The following LY96 variants were observed in gnomAD, a reference collection of about 807,000 sequenced individuals.
LY96 encodes the protein lymphocyte antigen 96.
LY96 carries 18 observed loss-of-function variants against 18.9 expected under a neutral mutation model. That is an observed-to-expected ratio of 0.95 (90% CI 0.66 to 1.41). The LOEUF (loss-of-function observed/expected upper bound fraction) is 1.41, where lower values mean the gene tolerates loss of function less well. Among genes scored for constraint, LY96 ranks in the 40% most tolerant of loss-of-function variants. LY96 has a pLI of 0.00. For synonymous variants in LY96, 66 were observed against 62.6 expected (o/e 1.06, Z -0.26); for missense variants, 175 against 182.4 (o/e 0.96, Z 0.23).
the LY96 span, among the ~76,000 whole-genome samples, chr8:74,062,616 G>A: frequency 1.3e-5 from 2 of 152,140 alleles, no homozygotes; most frequent in Non-Finnish European, 2.9e-5. Context: ...TGGTGTATAT[G>A]TACCACATTT....
chr8:74,034,323 G>T, the LY96 span, among the ~76,000 whole-genome samples: 1 of 151,874 alleles, frequency 6.6e-6, no homozygotes, highest in African/African-American at 2.4e-5. Context: ...AGTGAGCCAA[G>T]AACATGCCAC....
At chr8:74,081,157 CTT>C in the LY96 span, among the ~76,000 whole-genome samples, 2 of 139,032 alleles carry the variant, frequency 1.4e-5, no homozygotes, top group East Asian at 2.1e-4. Flanking sequence ...TTCTTTCTTT[CTT>C]TCTTTCCTTC....
chr8:74,090,277 T>G, the LY96 span, among the ~76,000 whole-genome samples: 1 of 152,126 alleles, frequency 6.6e-6, no homozygotes, highest in Non-Finnish European at 1.5e-5. Context: ...TAAGGGGTCA[T>G]GTTGGTCTTG....
chr8:74,099,362 A>G, the LY96 span: 1 of 152,218 alleles, frequency 6.6e-6, no homozygotes, highest in East Asian at 1.9e-4. Flanking sequence ...TAGCCCTCTC[A>G]AAAGACTCTG....
In LY96 at chr8:74,029,040, C is replaced by G. The variant is rs11466004; in HGVS notation, c.469C>G (p.Pro157Ala). The G allele has an allele frequency of 6.2e-7, 1 of 1,601,382 alleles. No homozygotes were observed. The highest frequency in any genetic ancestry group is 8.5e-7 in the Non-Finnish European group (1 of 1,169,762). Residue 157 changes from proline (P) to alanine (A), a missense_variant, in exon 5 of 5, where the codon CCT becomes GCT. By Grantham distance (27) the Pro-to-Ala change is conservative. Transcript: ENST00000284818. The stretch of plus-strand genomic sequence containing the variant: ...CTTGGAGTTTGTCATCCTACACCAA[C>G]CTAATTCAAATTAGAATAAATTGAG... ...FCLEFVILHQ[P>A]NSN
At chr8:74,046,225 A>G in the LY96 span, among the ~76,000 whole-genome samples, 1 of 152,262 alleles carries the variant, frequency 6.6e-6, no homozygotes, top group African/African-American at 2.4e-5. Context: ...GTTGCAGTGA[A>G]CTGAGATTGT....
At chr8:74,018,118 A>T (rs1816681689) in intron 3 of LY96, among the ~76,000 whole-genome samples, 1 of 152,228 alleles carries the variant, frequency 6.6e-6, no homozygotes, top group Non-Finnish European at 1.5e-5. Context: ...AATTGGATAA[A>T]GAGTCAAGAC....
intron 3 of LY96, among the ~76,000 whole-genome samples, chr8:74,013,819 T>A (rs1270508795): frequency 6.6e-6 from 1 of 152,220 alleles, no homozygotes; most frequent in East Asian, 1.9e-4. Context: ...TTGTGGGGAA[T>A]TGCTGGAGAT....
the LY96 span, among the ~76,000 whole-genome samples, chr8:74,054,617 C>CTTCTT: frequency 4.3e-5 from 3 of 70,098 alleles, no homozygotes; most frequent in African/African-American, 5.5e-5. Context: ...TTTCCTTTTC[C>CTTCTT]TTCTTTCTTT....
At chr8:74,035,926 T>G in the LY96 span, among the ~76,000 whole-genome samples, 1 of 152,220 alleles carries the variant, frequency 6.6e-6, no homozygotes, top group Non-Finnish European at 1.5e-5. Flanking sequence ...TATTGATAGA[T>G]GTATTATATC....
intron 3 of LY96, among the ~76,000 whole-genome samples, chr8:74,016,477 A>T (rs1281517384): frequency 6.6e-6 from 1 of 152,208 alleles, no homozygotes; most frequent in African/African-American, 2.4e-5. Flanking sequence ...GCAGACTTAA[A>T]GGTCCCTGTC....
At chr8:74,062,492 G>A in the LY96 span, among the ~76,000 whole-genome samples, 266 of 151,840 alleles carry the variant, frequency 1.8e-3, 7 homozygotes, top group South Asian at 0.052. Context: ...GAGAACATGC[G>A]GTCTTTGGTT....
the LY96 span, among the ~76,000 whole-genome samples, chr8:74,087,597 T>C: frequency 6.6e-6 from 1 of 152,174 alleles, no homozygotes; most frequent in Non-Finnish European, 1.5e-5. Flanking sequence ...TTCACTGTTT[T>C]GCCGTAAAGG....
At chr8:74,025,654 C>CAAAAAA (rs574843103) in intron 3 of LY96, among the ~76,000 whole-genome samples, 2 of 68,794 alleles carry the variant, frequency 2.9e-5, no homozygotes, top group African/African-American at 9.5e-5. Flanking sequence ...AACTCCGTCT[C>CAAAAAA]AAAAAAAAAA....
At chr8:74,078,396 G>A in the LY96 span, among the ~76,000 whole-genome samples, 1 of 152,154 alleles carries the variant, frequency 6.6e-6, no homozygotes. Context: ...GCATTTTTGA[G>A]AGCATCCAGA....
At chr8:74,053,797 G>A in the LY96 span, among the ~76,000 whole-genome samples, 1 of 152,210 alleles carries the variant, frequency 6.6e-6, no homozygotes, top group Non-Finnish European at 1.5e-5. Context: ...CCTTTTGGGA[G>A]GAGTATAGAA....
chr8:74,016,249 C>G (rs1338088167), intron 3 of LY96, among the ~76,000 whole-genome samples: 1 of 152,210 alleles, frequency 6.6e-6, no homozygotes. Context: ...CCCACAGAGC[C>G]TTGCTCACTG....
the LY96 span, among the ~76,000 whole-genome samples, chr8:74,039,544 G>A: frequency 5.3e-5 from 8 of 152,122 alleles, no homozygotes; most frequent in Non-Finnish European, 1.0e-4. Flanking sequence ...ATGGCTGGGC[G>A]TGCTGATATT....
At chr8:74,086,122 G>C in the LY96 span, among the ~76,000 whole-genome samples, 1 of 152,012 alleles carries the variant, frequency 6.6e-6, no homozygotes, top group Admixed American at 6.6e-5. Flanking sequence ...CCACATATAA[G>C]TGAAATCTTT....
Sources: allele counts gnomAD v4.1 joint callset (sites outside exome capture counted in the v4.1 genomes callset), GRCh38; gene constraint gnomAD v4.1.1; transcripts MANE v1.5; gene names NCBI Gene and HGNC (gene_info 2026-07-23, HGNC 2026-07-21).